Variants in PCSK5 observed in about 807,000 individuals in gnomAD.
PCSK5 encodes proprotein convertase subtilisin/kexin type 5.
A neutral mutation model predicts 233.2 loss-of-function variants in PCSK5; 129 were observed. That is an observed-to-expected ratio of 0.55 (90% CI 0.48 to 0.64). The LOEUF is 0.64. Among genes scored for constraint, PCSK5 ranks in the 30% least tolerant of loss-of-function variants. The probability of loss-of-function intolerance (pLI) is 0.00; values close to 1 mark genes in which losing one functional copy is unlikely to be tolerated. For synonymous variants in PCSK5, 825 were observed against 879.2 expected (o/e 0.94, Z 1.09); for missense variants, 2,076 against 2,430.1 (o/e 0.85, Z 3.06).
chr9:76,196,746 G>A (rs1824718587), intron 20 of PCSK5, among the ~76,000 whole-genome samples: 1 of 152,146 alleles, frequency 6.6e-6, no homozygotes, highest in African/African-American at 2.4e-5. Flanking sequence ...ATGTGGATAT[G>A]TTCTCTCTCA....
intron 20 of PCSK5, among the ~76,000 whole-genome samples, chr9:76,210,182 G>T (rs1228969246): frequency 1.3e-5 from 2 of 152,150 alleles, no homozygotes; most frequent in African/African-American, 4.8e-5. Context: ...GTCAGATAGG[G>T]AAGGGAATGC....
chr9:76,239,311 A>G, intron 23 of PCSK5, 146 bp downstream of exon 23: 1 of 642,960 alleles, frequency 1.6e-6, no homozygotes, highest in Non-Finnish European at 2.8e-6. Flanking sequence ...TAGTGGGGAG[A>G]GAGGTAACTT....
intron 3 of PCSK5, among the ~76,000 whole-genome samples, chr9:76,021,553 A>G (rs1421178129): frequency 6.6e-6 from 1 of 152,140 alleles, no homozygotes; most frequent in African/African-American, 2.4e-5. Flanking sequence ...GAAAGAAGTC[A>G]GGAAGATGGG....
intron 1 of PCSK5, among the ~76,000 whole-genome samples, chr9:75,931,248 CT>C (rs3074142): frequency 0.54 from 70,185 of 130,440 alleles, 19,320 homozygotes; most frequent in East Asian, 0.79. Context: ...TGGGCCAAGA[CT>C]TTTTTTTTTT....
chr9:76,209,486 G>T, intron 20 of PCSK5: 1 of 509,794 alleles, frequency 2.0e-6, no homozygotes, highest in Admixed American at 2.0e-5. Context: ...TATCTCAGAT[G>T]CCTGGAATAG....
chr9:75,928,597 A>ATATATATATATGTATATATATG (rs1823614364), intron 1 of PCSK5, among the ~76,000 whole-genome samples: 14 of 8,348 alleles, frequency 1.7e-3, no homozygotes, highest in African/African-American at 5.9e-3. Flanking sequence ...ATATAAATAC[A>ATATATATATATGTATATATATG]TATATATATA....
intron 24 of PCSK5, among the ~76,000 whole-genome samples, chr9:76,266,093 T>G (rs1049369408): frequency 6.6e-6 from 1 of 152,206 alleles, no homozygotes; most frequent in Non-Finnish European, 1.5e-5. Context: ...GACAGAAAGC[T>G]TCTTCAAACA....
chr9:76,106,272 C>A (rs1210152162), intron 8 of PCSK5, among the ~76,000 whole-genome samples: 1 of 152,230 alleles, frequency 6.6e-6, no homozygotes, highest in South Asian at 2.1e-4. Context: ...TATACTCCCC[C>A]AGAGGTGATA....
At chr9:76,302,889 C>G (rs1828655815) in intron 28 of PCSK5, among the ~76,000 whole-genome samples, 1 of 151,148 alleles carries the variant, frequency 6.6e-6, no homozygotes, top group Non-Finnish European at 1.5e-5. Context: ...AAATGAACCC[C>G]TTGCTTTATA....
At chr9:76,007,267 A>G (rs1304067723) in intron 3 of PCSK5, among the ~76,000 whole-genome samples, 1 of 152,064 alleles carries the variant, frequency 6.6e-6, no homozygotes, top group Non-Finnish European at 1.5e-5. Context: ...AGTGTGTTTC[A>G]CTTAGGTTCA....
At chr9:76,178,412 C>A (rs915019665) in intron 14 of PCSK5, among the ~76,000 whole-genome samples, 4 of 152,136 alleles carry the variant, frequency 2.6e-5, no homozygotes, top group African/African-American at 9.7e-5. Context: ...ACCTAAGTAT[C>A]AGGGCCTATG....
At chr9:76,278,740 C>T (rs1022328738) in intron 24 of PCSK5, among the ~76,000 whole-genome samples, 1 of 152,030 alleles carries the variant, frequency 6.6e-6, no homozygotes, top group African/African-American at 2.4e-5. Flanking sequence ...TATCTACCTA[C>T]CATATACATA....
chr9:76,330,047 T>C (rs1829482217), intron 33 of PCSK5, among the ~76,000 whole-genome samples: 1 of 152,116 alleles, frequency 6.6e-6, no homozygotes, highest in Non-Finnish European at 1.5e-5. Flanking sequence ...ATGTTCAGTT[T>C]CCCTACTGCA....
At chr9:76,289,813 A>G (rs1178386203) in intron 24 of PCSK5, among the ~76,000 whole-genome samples, 2 of 150,786 alleles carry the variant, frequency 1.3e-5, no homozygotes, top group African/African-American at 4.9e-5. Flanking sequence ...CATAAGCTGT[A>G]TAAGGCACAG....
At chr9:76,192,576 G>T (rs1386213529) in intron 20 of PCSK5, among the ~76,000 whole-genome samples, 1 of 152,154 alleles carries the variant, frequency 6.6e-6, no homozygotes, top group Non-Finnish European at 1.5e-5. Context: ...CTGTTCAACC[G>T]AGTTAGGCAC....
chr9:76,156,953 C>A, intron 10 of PCSK5, 92 bp from the exon 11 acceptor site: 1 of 782,010 alleles, frequency 1.3e-6, no homozygotes, highest in South Asian at 1.5e-5. Context: ...TAGCTAGGAT[C>A]CCATAGGGTG....
At chr9:76,043,914 T>A (rs2131539583) in intron 5 of PCSK5, among the ~76,000 whole-genome samples, 1 of 152,286 alleles carries the variant, frequency 6.6e-6, no homozygotes, top group South Asian at 2.1e-4. Context: ...GATTTGAATT[T>A]TAGCCAAAAT....
intron 24 of PCSK5, among the ~76,000 whole-genome samples, chr9:76,285,435 C>T (rs4298544): frequency 5.9e-5 from 9 of 152,070 alleles, no homozygotes; most frequent in Non-Finnish European, 1.2e-4. Flanking sequence ...AGGTGAGAGC[C>T]TAGGAGTCTC....
At chr9:75,893,258 A>C (rs1825684229) in intron 1 of PCSK5, among the ~76,000 whole-genome samples, 1 of 152,176 alleles carries the variant, frequency 6.6e-6, no homozygotes, top group South Asian at 2.1e-4. Flanking sequence ...ATATTACCTC[A>C]CACACAGGAG....
Sources: gnomAD v4.1 joint callset for allele counts (sites outside exome capture counted in the v4.1 genomes callset) on GRCh38, gnomAD v4.1.1 for gene constraint, MANE v1.5 for transcripts, NCBI Gene and HGNC (gene_info 2026-07-23, HGNC 2026-07-21) for gene names.